Variants in MFN1 observed in about 807,000 individuals in gnomAD.
The protein encoded by MFN1 is mitofusin-1.
A neutral mutation model predicts 92.4 loss-of-function variants in MFN1; 65 were observed. The ratio of observed to expected loss-of-function variants is 0.70; its 90% CI spans 0.58 to 0.86. The LOEUF is 0.86. Among genes scored for constraint, MFN1 ranks in the 40% least tolerant of loss-of-function variants. The pLI, the probability that MFN1 is intolerant of heterozygous loss-of-function variation, is 0.00. For missense variants in MFN1, 781 were observed against 868.0 expected (o/e 0.90, Z 1.26); for synonymous variants, 297 against 300.9 (o/e 0.99, Z 0.13).
At chr3:179,385,472 C>A in intron 14 of MFN1, 97 bp from the exon 15 acceptor site, 1 of 1,096,338 alleles carries the variant, frequency 9.1e-7, no homozygotes, top group South Asian at 1.7e-5. Context: ...GGTAATTTTT[C>A]CCTCATAGAT....
At chr3:179,353,026 A>C (rs1281775890) in intron 3 of MFN1, among the ~76,000 whole-genome samples, 1 of 149,674 alleles carries the variant, frequency 6.7e-6, no homozygotes, top group Non-Finnish European at 1.5e-5. Flanking sequence ...TGTTGGAATT[A>C]CAGGCGTGAG....
intron 17 of MFN1, 55 bp from the exon 18 acceptor site, chr3:179,391,926 A>G: frequency 8.7e-7 from 1 of 1,143,400 alleles, no homozygotes. Flanking sequence ...GATGGAATGC[A>G]TTTTTCTCCT....
At chr3:179,384,453 T>G (rs890987509) in intron 14 of MFN1, among the ~76,000 whole-genome samples, 1 of 152,016 alleles carries the variant, frequency 6.6e-6, no homozygotes, top group Non-Finnish European at 1.5e-5. Context: ...TATCTTCTTT[T>G]GTGAAATGTC....
At chr3:179,372,093 T>A (rs1463790825) in intron 9 of MFN1, among the ~76,000 whole-genome samples, 2 of 147,052 alleles carry the variant, frequency 1.4e-5, no homozygotes, top group Admixed American at 1.4e-4. Context: ...ATATAAATAT[T>A]ATATATAATG....
chr3:179,379,981 T>C (rs1713404833), intron 14 of MFN1, among the ~76,000 whole-genome samples: 1 of 152,138 alleles, frequency 6.6e-6, no homozygotes, highest in Non-Finnish European at 1.5e-5. Context: ...AAAGAGTGGA[T>C]CCATCAGCAT....
At chr3:179,351,055 TCG>T (rs1219412384) in intron 2 of MFN1, among the ~76,000 whole-genome samples, 1 of 152,186 alleles carries the variant, frequency 6.6e-6, no homozygotes, top group Non-Finnish European at 1.5e-5. Context: ...TCTGCCCACT[TCG>T]GCCTCCCAAA....
At position 179,352,889 on chromosome 3, in the gene MFN1, T is replaced by C. The variant is rs1307838667; in HGVS notation, c.248+854T>C. ...GCCTCAGCCTCCCTAGTAGCTGGAA[T>C]TATAGGCGTGTGCCACCATACCTGG... On this transcript the variant is annotated intron_variant, in intron 3 of 17. Coordinates refer to ENST00000471841, the MANE Select transcript of MFN1 (RefSeq NM_033540.3). Among the ~76,000 whole-genome samples, 72 of 136,550 alleles carry C rather than the reference T, an allele frequency of 5.3e-4. No homozygotes were observed. In the Middle Eastern group the frequency reaches 0.015, roughly 29 times the overall value. 89.6% of individuals were successfully genotyped at this position (136,550 alleles called of 152,430 possible).
At chr3:179,357,195 A>G (rs1406260486) in intron 3 of MFN1, among the ~76,000 whole-genome samples, 2 of 152,178 alleles carry the variant, frequency 1.3e-5, no homozygotes, top group South Asian at 2.1e-4. Context: ...GCTCCTGTCT[A>G]TAGAAAGAAT....
intron 2 of MFN1, among the ~76,000 whole-genome samples, 181 bp downstream of exon 2, chr3:179,349,144 AACT>A (rs1329390857): frequency 6.6e-6 from 1 of 152,250 alleles, no homozygotes; most frequent in Non-Finnish European, 1.5e-5. Context: ...TATTAATAAC[AACT>A]AAGAACTTTA....
At chr3:179,352,796 C>A (rs552539158) in intron 3 of MFN1, among the ~76,000 whole-genome samples, 1 of 151,996 alleles carries the variant, frequency 6.6e-6, no homozygotes, top group African/African-American at 2.4e-5. Context: ...CTGTCTCCCA[C>A]GCTGGAGTGC....
intron 16 of MFN1, among the ~76,000 whole-genome samples, chr3:179,387,586 T>C (rs1209669056): frequency 1.7e-4 from 1 of 5,938 alleles, no homozygotes; most frequent in African/African-American, 8.7e-4. Context: ...TGTGGTTTCT[T>C]TTTTTTTTTT....
intron 17 of MFN1, among the ~76,000 whole-genome samples, chr3:179,391,356 T>A (rs947015205): frequency 6.6e-6 from 1 of 151,846 alleles, no homozygotes; most frequent in African/African-American, 2.4e-5. Flanking sequence ...AGAAAAAAGT[T>A]AAAAAAAACA....
Position 179,392,206 on chromosome 3 carries a change from T to G in MFN1, c.*147T>G. The G allele has an allele frequency of 1.9e-6, 1 of 536,158 alleles. No homozygotes were observed. The highest frequency in any genetic ancestry group is 3.0e-5 in the East Asian group (1 of 33,076). 33.2% of individuals were successfully genotyped at this position (536,158 alleles called of 1,614,324 possible). A position where few individuals can be genotyped will look rare whatever the true frequency, so the allele number is the denominator to read the frequency against. ...CCCTGTGTAGATTCTGGTAATGATCTGTCTCAGGGTATGTGTATTTTTGAA... is the reference window on the plus strand; with the variant it reads ...CCCTGTGTAGATTCTGGTAATGATCGGTCTCAGGGTATGTGTATTTTTGAA... On this transcript the variant is annotated 3_prime_UTR_variant, in exon 18 of 18. Coordinates refer to ENST00000471841, the MANE Select transcript of MFN1 (RefSeq NM_033540.3).
chr3:179,388,932 T>C (rs933124549), intron 16 of MFN1, among the ~76,000 whole-genome samples: 1 of 151,970 alleles, frequency 6.6e-6, no homozygotes, highest in Admixed American at 6.5e-5. Context: ...TATGTGTAGA[T>C]TGGGGTTTGG....
intron 3 of MFN1, among the ~76,000 whole-genome samples, chr3:179,354,527 A>G (rs1018529710): frequency 1.3e-5 from 2 of 152,174 alleles, no homozygotes; most frequent in African/African-American, 4.8e-5. Context: ...GTTACCAGAA[A>G]GGGGCCCCAC....
Position 179,386,704 on chromosome 3 carries a change from T to C in MFN1, c.2012+75T>C, listed in dbSNP as rs202211493. The stretch of plus-strand genomic sequence containing the variant: ...ACATACATGCAGAAAAAGCACAAAA[T>C]AAGTGTATTGCTCAAAGAATTATCA... On this transcript the variant is annotated intron_variant, in intron 16 of 17. Transcript: ENST00000471841. The C allele has an allele frequency of 3.0e-5, 39 of 1,291,946 alleles. No homozygotes were observed. In the East Asian group the frequency reaches 8.6e-4, roughly 29 times the overall value. 80.0% of individuals were successfully genotyped at this position (1,291,946 alleles called of 1,614,324 possible).
chr3:179,375,100 T>G (rs1318403907), intron 9 of MFN1, 120 bp from the exon 10 acceptor site: 1 of 1,157,418 alleles, frequency 8.6e-7, no homozygotes, highest in African/African-American at 1.6e-5. Context: ...TATCACTCAT[T>G]TGTTTTCTAT....
At position 179,362,422 on chromosome 3, in the gene MFN1, G is replaced by A. The variant is rs199852783; in HGVS notation, c.476G>A (p.Arg159His). ...GATTTGAAAGCTGGCTGTCTTGTAC[G>A]TGTGTTTTGGCCAAAAGCAAAATGT... ...DKDLKAGCLV[R>H]VFWPKAKCAL... The change falls in exon 5 of 18, where the codon CGT becomes CAT. Residue 159 changes from arginine (R) to histidine (H), a missense_variant. Coordinates refer to ENST00000471841, the MANE Select transcript of MFN1 (RefSeq NM_033540.3). 20 of 1,613,604 alleles carry A rather than the reference G, an allele frequency of 1.2e-5. No homozygotes were observed. The highest frequency in any genetic ancestry group is 1.0e-4 in the Admixed American group (6 of 59,982).
chr3:179,388,499 C>G (rs1308405658), intron 16 of MFN1, among the ~76,000 whole-genome samples: 1 of 152,068 alleles, frequency 6.6e-6, no homozygotes, highest in Non-Finnish European at 1.5e-5. Flanking sequence ...CCAGTCAAGT[C>G]AGGGTACAAT....
Sources: gnomAD v4.1 joint callset for allele counts (sites outside exome capture counted in the v4.1 genomes callset) on GRCh38, gnomAD v4.1.1 for gene constraint, MANE v1.5 for transcripts, NCBI Gene and HGNC (gene_info 2026-07-23, HGNC 2026-07-21) for gene names.